The following ANO5 variants were observed in gnomAD, a reference collection of about 807,000 sequenced individuals.
ANO5 encodes the protein anoctamin-5.
Under a neutral mutation model 121.0 loss-of-function variants are expected in ANO5, and 109 were observed. The ratio of observed to expected loss-of-function variants is 0.90; its 90% CI spans 0.77 to 1.06. The LOEUF is 1.06. Ranked by LOEUF, ANO5 falls within the 50% of genes least tolerant of loss-of-function variation. ANO5 has a pLI of 0.00. For synonymous variants in ANO5, 406 were observed against 359.9 expected (o/e 1.13, Z -1.45); for missense variants, 1,064 against 1,078.5 (o/e 0.99, Z 0.19).
chr11:22,225,434 G>A (rs946282955), intron 5 of ANO5, among the ~76,000 whole-genome samples: 7 of 152,048 alleles, frequency 4.6e-5, no homozygotes, highest in African/African-American at 1.4e-4. Flanking sequence ...TCCAGCCCGG[G>A]TGACAGAGTG....
chr11:22,233,080 A>G (rs1381767331), intron 7 of ANO5, among the ~76,000 whole-genome samples: 1 of 152,038 alleles, frequency 6.6e-6, no homozygotes, highest in Non-Finnish European at 1.5e-5. Context: ...TGAAGTGTTC[A>G]TCTGTGTTAC....
chr11:22,245,132 CAG>C (rs1853575894), intron 9 of ANO5, among the ~76,000 whole-genome samples: 5 of 152,200 alleles, frequency 3.3e-5, no homozygotes, highest in Middle Eastern at 6.8e-3. Context: ...TGTATATTGG[CAG>C]AATGTTTTTG....
At chr11:22,226,869 G>GT (rs1161390374) in intron 6 of ANO5, among the ~76,000 whole-genome samples, 1 of 152,066 alleles carries the variant, frequency 6.6e-6, no homozygotes, top group Non-Finnish European at 1.5e-5. Flanking sequence ...AAGAAGCTGG[G>GT]TAAGAAGAGT....
At chr11:22,235,928 G>A (rs576615418) in intron 7 of ANO5, among the ~76,000 whole-genome samples, 1 of 152,140 alleles carries the variant, frequency 6.6e-6, no homozygotes, top group East Asian at 1.9e-4. Context: ...ATAAATTATG[G>A]TCTGTTCACC....
Position 22,276,172 on chromosome 11 carries a change from C to T in ANO5, c.2493C>T (p.Ala831=), listed in dbSNP as rs1854840447. The change falls in exon 21 of 22, where the codon GCC becomes GCT. Residue 831 remains alanine, a synonymous_variant. Coordinates refer to ENST00000324559, the MANE Select transcript of ANO5 (RefSeq NM_213599.3). ...HNMQFWHVLA[A]KMTFIIVMEH... is the part of the protein sequence containing the mutation. Reference sequence around the variant, plus strand: ...TGCAATTCTGGCATGTCCTTGCTGCCAAGATGACCTTCATCATTGTTATGG... The same window carrying T: ...TGCAATTCTGGCATGTCCTTGCTGCTAAGATGACCTTCATCATTGTTATGG... 1 of 1,610,664 alleles carries T rather than the reference C, an allele frequency of 6.2e-7. No homozygotes were observed. The highest frequency in any genetic ancestry group is 1.3e-5 in the African/African-American group (1 of 74,730).
chr11:22,236,461 C>G (rs946686024), intron 8 of ANO5, among the ~76,000 whole-genome samples, 185 bp downstream of exon 8: 1 of 152,156 alleles, frequency 6.6e-6, no homozygotes, highest in African/African-American at 2.4e-5. Context: ...GTAAATGTAT[C>G]TTTAAGGTTT....
chr11:22,257,651 A>G, intron 13 of ANO5, 29 bp from the exon 14 acceptor site: 1 of 1,563,598 alleles, frequency 6.4e-7, no homozygotes, highest in Non-Finnish European at 8.8e-7. Flanking sequence ...GAGATTTTGA[A>G]TTTCTTTGTG....
chr11:22,195,383 T>A (rs1851777353), intron 1 of ANO5, among the ~76,000 whole-genome samples: 1 of 152,154 alleles, frequency 6.6e-6, no homozygotes, highest in African/African-American at 2.4e-5. Flanking sequence ...GTGTTATCAT[T>A]CTATGTTCTT....
At chr11:22,224,240 A>G (rs1462063233) in intron 5 of ANO5, among the ~76,000 whole-genome samples, 6 of 152,020 alleles carry the variant, frequency 3.9e-5, no homozygotes, top group Non-Finnish European at 2.9e-5. Flanking sequence ...TTAAAATCAT[A>G]TATTTTATGA....
intron 7 of ANO5, among the ~76,000 whole-genome samples, chr11:22,230,988 C>T (rs929324476): frequency 3.9e-5 from 6 of 151,950 alleles, no homozygotes; most frequent in Non-Finnish European, 7.4e-5. Context: ...TTTTGCTACT[C>T]TCTAATATAG....
intron 9 of ANO5, among the ~76,000 whole-genome samples, chr11:22,244,294 C>T (rs1853543803): frequency 1.3e-5 from 2 of 152,050 alleles, no homozygotes. Flanking sequence ...GATGAGCTTC[C>T]ATTTGGATGT....
intron 7 of ANO5, among the ~76,000 whole-genome samples, chr11:22,231,327 G>C (rs922147954): frequency 6.6e-6 from 1 of 151,366 alleles, no homozygotes; most frequent in Non-Finnish European, 1.5e-5. Flanking sequence ...TCACTTTTAT[G>C]GTCATTTACC....
At chr11:22,240,754 T>G (rs1853402023) in intron 9 of ANO5, among the ~76,000 whole-genome samples, 1 of 152,084 alleles carries the variant, frequency 6.6e-6, no homozygotes, top group Non-Finnish European at 1.5e-5. Flanking sequence ...TAGGCTTGAT[T>G]TGGATAATAT....
rs149572653 is a variant in ANO5, at chr11:22,239,622, A to G, written c.816A>G (p.Thr272=). ...EPPNPTNERY[T]LHQNWARFSY... is the part of the protein sequence containing the mutation. Reference sequence around the variant, plus strand: ...CCAATCCTACCAATGAAAGATACACACTTCACCAGAATTGGGCTCGATTTT... The same window carrying G: ...CCAATCCTACCAATGAAAGATACACGCTTCACCAGAATTGGGCTCGATTTT... Residue 272 remains threonine (T), a synonymous_variant, in exon 9 of 22, where the codon ACA becomes ACG. Transcript: ENST00000324559. 8 of 1,612,880 alleles carry G rather than the reference A, an allele frequency of 5.0e-6. No individual in the cohort carries two copies. The African/African-American group carries it at 1.1e-4, about 22-fold the overall frequency.
chr11:22,208,346 C>T (rs1001006013), intron 2 of ANO5, among the ~76,000 whole-genome samples: 1 of 151,960 alleles, frequency 6.6e-6, no homozygotes, highest in Non-Finnish European at 1.5e-5. Flanking sequence ...AACTACCCAT[C>T]AGTAAAAAGG....
chr11:22,254,917 T>C (rs1477718738), intron 12 of ANO5, among the ~76,000 whole-genome samples: 1 of 151,954 alleles, frequency 6.6e-6, no homozygotes, highest in Non-Finnish European at 1.5e-5. Flanking sequence ...GTATATGTAG[T>C]TTAAAAGAGA....
At chr11:22,255,822 C>G (rs1337679312) in intron 13 of ANO5, among the ~76,000 whole-genome samples, 1 of 152,054 alleles carries the variant, frequency 6.6e-6, no homozygotes, top group East Asian at 1.9e-4. Context: ...TTCATTCATA[C>G]TCATACTCTT....
chr11:22,208,869 T>C (rs1439414434), intron 2 of ANO5, among the ~76,000 whole-genome samples: 2 of 151,964 alleles, frequency 1.3e-5, no homozygotes, highest in African/African-American at 4.8e-5. Flanking sequence ...AAATTATATT[T>C]TTTCTGACAC....
chr11:22,265,162 T>TA (rs1358915987), intron 17 of ANO5, among the ~76,000 whole-genome samples: 1 of 152,142 alleles, frequency 6.6e-6, no homozygotes, highest in Non-Finnish European at 1.5e-5. Flanking sequence ...CCAGATTCAT[T>TA]ATGGTGAAAC....
Sources: gnomAD v4.1 joint callset for allele counts (sites outside exome capture counted in the v4.1 genomes callset) on GRCh38, gnomAD v4.1.1 for gene constraint, MANE v1.5 for transcripts, NCBI Gene and HGNC (gene_info 2026-07-23, HGNC 2026-07-21) for gene names.